Variants in P3H2 observed in about 807,000 individuals in gnomAD.
P3H2 encodes leprecan-like 1.
Under a neutral mutation model 87.0 loss-of-function variants are expected in P3H2, and 80 were observed. That is an observed-to-expected ratio of 0.92 (90% confidence interval 0.77 to 1.11). The LOEUF is 1.11. Ranked by LOEUF, P3H2 falls within the 50% of genes least tolerant of loss-of-function variation. The pLI is 0.00. For synonymous variants in P3H2, 367 were observed against 359.3 expected (o/e 1.02, Z -0.24); for missense variants, 1,001 against 923.9 (o/e 1.08, Z -1.08).
At chr3:189,976,351 G>C (rs2108911406) in intron 8 of P3H2, among the ~76,000 whole-genome samples, 1 of 152,312 alleles carries the variant, frequency 6.6e-6, no homozygotes, top group African/African-American at 2.4e-5. Flanking sequence ...GTCTGGGGAG[G>C]CCTCACAATC....
chr3:190,041,031 TATATATACACAC>T (rs1311775503), intron 1 of P3H2, among the ~76,000 whole-genome samples: 877 of 51,654 alleles, frequency 0.017, 32 homozygotes, highest in African/African-American at 0.054. Flanking sequence ...TATATATATA[TATATATACACAC>T]ACACACACAC....
intron 1 of P3H2, among the ~76,000 whole-genome samples, chr3:190,096,560 T>G (rs1424179400): frequency 1.3e-5 from 2 of 152,182 alleles, no homozygotes; most frequent in African/African-American, 4.8e-5. Context: ...CATAGCAGTG[T>G]GAAAATGAAC....
intron 1 of P3H2, among the ~76,000 whole-genome samples, chr3:190,068,390 T>C (rs1241566087): frequency 6.6e-6 from 1 of 152,166 alleles, no homozygotes; most frequent in Non-Finnish European, 1.5e-5. Context: ...AGCCACTCTA[T>C]AAGTGGCCAA....
chr3:189,958,448 T>C (rs1362633213), intron 14 of P3H2, among the ~76,000 whole-genome samples: 1 of 152,202 alleles, frequency 6.6e-6, no homozygotes, highest in Non-Finnish European at 1.5e-5. Flanking sequence ...TTCTATCTGC[T>C]GTCTCTGCCC....
At chr3:190,076,163 A>G (rs1726870346) in intron 1 of P3H2, among the ~76,000 whole-genome samples, 1 of 151,866 alleles carries the variant, frequency 6.6e-6, no homozygotes, top group Non-Finnish European at 1.5e-5. Flanking sequence ...TGAAAAAAAA[A>G]AACCACCAAA....
intron 1 of P3H2, among the ~76,000 whole-genome samples, chr3:190,095,663 T>G (rs1482831812): frequency 4.8e-4 from 72 of 150,238 alleles, no homozygotes; most frequent in African/African-American, 1.4e-3. Context: ...TGCAGTGGCG[T>G]GATCTCGGCT....
chr3:190,070,060 T>A (rs1726647634), intron 1 of P3H2, among the ~76,000 whole-genome samples: 1 of 151,902 alleles, frequency 6.6e-6, no homozygotes, highest in African/African-American at 2.4e-5. Context: ...CTGATGGCAA[T>A]CACGTGGTGG....
intron 1 of P3H2, among the ~76,000 whole-genome samples, chr3:190,105,148 T>C (rs1205245871): frequency 6.6e-6 from 1 of 152,240 alleles, no homozygotes; most frequent in East Asian, 1.9e-4. Context: ...ATCACTCTGG[T>C]GCTTGCACCT....
chr3:190,054,590 C>T (rs1032985118), intron 1 of P3H2, among the ~76,000 whole-genome samples: 1 of 152,030 alleles, frequency 6.6e-6, no homozygotes, highest in Non-Finnish European at 1.5e-5. Context: ...AGTATCACTC[C>T]CTCCACTACT....
At chr3:190,083,875 A>T (rs1020554118) in intron 1 of P3H2, among the ~76,000 whole-genome samples, 3 of 152,226 alleles carry the variant, frequency 2.0e-5, no homozygotes, top group Non-Finnish European at 2.9e-5. Flanking sequence ...TTTAAAAGTG[A>T]ACGAACAATA....
chr3:189,989,650 C>A (rs187726059), intron 3 of P3H2, among the ~76,000 whole-genome samples: 55 of 152,234 alleles, frequency 3.6e-4, no homozygotes, highest in Non-Finnish European at 3.4e-4. Context: ...AGTCTATCGC[C>A]TAGACATAGT....
At chr3:190,079,985 T>G (rs141212794) in intron 1 of P3H2, among the ~76,000 whole-genome samples, 2 of 152,308 alleles carry the variant, frequency 1.3e-5, no homozygotes, top group Non-Finnish European at 1.5e-5. Context: ...ATAAAACTAC[T>G]CAATGAATCA....
At chr3:189,995,218 T>C (rs1266267830) in intron 2 of P3H2, 72 bp downstream of exon 2, 1 of 1,424,708 alleles carries the variant, frequency 7.0e-7, no homozygotes, top group African/African-American at 1.4e-5. Context: ...TTCATAGAAA[T>C]TTGCTGTGAC....
At chr3:190,087,401 G>A (rs1260218712) in intron 1 of P3H2, among the ~76,000 whole-genome samples, 1 of 151,802 alleles carries the variant, frequency 6.6e-6, no homozygotes, top group African/African-American at 2.4e-5. Flanking sequence ...GAAATTAGCT[G>A]GGTGTGGTGG....
chr3:190,074,674 C>A (rs1726811932), intron 1 of P3H2, among the ~76,000 whole-genome samples: 2 of 152,078 alleles, frequency 1.3e-5, no homozygotes, highest in African/African-American at 2.4e-5. Flanking sequence ...AGGGGAAAAA[C>A]TAAAAAGAGA....
At chr3:190,121,605 A>G (rs1712597425), upstream of P3H2, 1 of 152,396 alleles carries the variant, frequency 6.6e-6, no homozygotes, top group African/African-American at 2.4e-5. Context: ...GGGGAAGAAC[A>G]ATATATAGCC....
chr3:190,063,358 TG>T (rs1377320414), intron 1 of P3H2, among the ~76,000 whole-genome samples: 1 of 152,156 alleles, frequency 6.6e-6, no homozygotes, highest in East Asian at 1.9e-4. Context: ...CAAAAGCAAA[TG>T]TTCTTGGGAA....
intron 1 of P3H2, among the ~76,000 whole-genome samples, chr3:190,065,495 G>C (rs904442200): frequency 3.9e-5 from 6 of 152,054 alleles, no homozygotes; most frequent in Non-Finnish European, 8.8e-5. Context: ...TGAGATTTAG[G>C]AGTTTCTCTT....
chr3:189,994,757 A>G (rs533027950), intron 2 of P3H2, among the ~76,000 whole-genome samples: 1 of 94,664 alleles, frequency 1.1e-5, no homozygotes, highest in African/African-American at 3.0e-5. Flanking sequence ...GTCAAAAATT[A>G]AAAAAAAAAA....
Sources: gnomAD v4.1 joint callset for allele counts (sites outside exome capture counted in the v4.1 genomes callset) on GRCh38, gnomAD v4.1.1 for gene constraint, MANE v1.5 for transcripts, NCBI Gene and HGNC (gene_info 2026-07-23, HGNC 2026-07-21) for gene names.